FHIT: variants seen among roughly 807,000 people sequenced by gnomAD.
FHIT encodes the protein bis(5'-adenosyl)-triphosphatase.
A neutral mutation model predicts 17.9 loss-of-function variants in FHIT; 19 were observed. That is an observed-to-expected ratio of 1.06 (90% CI 0.74 to 1.56). The LOEUF (loss-of-function observed/expected upper bound fraction) is 1.56. Among genes scored for constraint, FHIT ranks in the 40% most tolerant of loss-of-function variants. FHIT has a pLI of 0.00. For missense variants in FHIT, 248 were observed against 189.2 expected, an observed-to-expected ratio of 1.31 and a Z score of -1.82; for synonymous variants, 81 against 69.7, an observed-to-expected ratio of 1.16 and a Z score of -0.81.
intron 3 of FHIT, among the ~76,000 whole-genome samples, chr3:60,853,379 C>T (rs1324722541): frequency 6.6e-6 from 1 of 152,080 alleles, no homozygotes; most frequent in Non-Finnish European, 1.5e-5. Context: ...TTTGGAACAA[C>T]ATCCAACAGT....
chr3:60,005,780 C>T (rs879469663), intron 7 of FHIT, among the ~76,000 whole-genome samples: 6 of 152,180 alleles, frequency 3.9e-5, no homozygotes, highest in Non-Finnish European at 7.4e-5. Flanking sequence ...TGGCAAATCA[C>T]ATCTCTCTTG....
intron 1 of FHIT, among the ~76,000 whole-genome samples, chr3:61,222,739 C>T (rs1214218332): frequency 6.6e-6 from 1 of 152,046 alleles, no homozygotes; most frequent in Non-Finnish European, 1.5e-5. Flanking sequence ...TACTTCAGTC[C>T]GGCAACTCTG....
chr3:59,818,951 CTG>C (rs1386244849), intron 8 of FHIT, among the ~76,000 whole-genome samples: 1 of 152,182 alleles, frequency 6.6e-6, no homozygotes, highest in African/African-American at 2.4e-5. Context: ...AATGACTACT[CTG>C]TGTCAGAGTC....
intron 5 of FHIT, among the ~76,000 whole-genome samples, chr3:60,391,445 G>A (rs2687177): frequency 0.93 from 140,882 of 152,196 alleles, 65,894 homozygotes; most frequent in East Asian, 1. Context: ...AGTCTACAGA[G>A]GCATACAGTA....
chr3:60,140,253 C>T (rs77077707), intron 5 of FHIT, among the ~76,000 whole-genome samples: 7,444 of 152,174 alleles, frequency 0.049, 264 homozygotes, highest in Non-Finnish European at 0.07. Context: ...CACCATTCTC[C>T]CATTCTGATG....
At chr3:60,965,982 T>A (rs1709719365) in intron 3 of FHIT, among the ~76,000 whole-genome samples, 1 of 152,180 alleles carries the variant, frequency 6.6e-6, no homozygotes, top group South Asian at 2.1e-4. Flanking sequence ...ATAGGGACGT[T>A]TAAGTCTGCA....
chr3:60,752,076 A>G lies in FHIT; in HGVS notation c.-18+69843T>C, dbSNP rs1246357060. ...TAAAATTTTGTGTTTTTCTACGTAC[A>G]CGCATAATGAGACATTTGTTGGGAA... On this transcript the variant is annotated intron_variant, in intron 4 of 9. Transcript: ENST00000492590. 3.9e-5 allele frequency among the ~76,000 whole-genome samples: 6 copies of G among 152,234 alleles called. No individual in the cohort carries two copies. In the East Asian group the frequency reaches 1.2e-3, roughly 29 times the overall value.
chr3:60,776,472 A>T (rs1250026119), intron 4 of FHIT, among the ~76,000 whole-genome samples: 1 of 152,222 alleles, frequency 6.6e-6, no homozygotes, highest in Non-Finnish European at 1.5e-5. Flanking sequence ...AAATGCAGGT[A>T]TTATCAAAAT....
At chr3:59,931,187 A>G (rs1705954003) in intron 7 of FHIT, among the ~76,000 whole-genome samples, 1 of 152,202 alleles carries the variant, frequency 6.6e-6, no homozygotes, top group East Asian at 1.9e-4. Flanking sequence ...TTTAAAAATA[A>G]TTTTGACAAC....
At chr3:59,803,301 A>C (rs942094906) in intron 8 of FHIT, among the ~76,000 whole-genome samples, 12 of 152,212 alleles carry the variant, frequency 7.9e-5, no homozygotes, top group African/African-American at 2.9e-4. Flanking sequence ...GGACAGAAAG[A>C]AGACTAAAGA....
intron 3 of FHIT, among the ~76,000 whole-genome samples, chr3:60,852,358 C>A (rs935724477): frequency 2.0e-5 from 3 of 152,084 alleles, no homozygotes; most frequent in African/African-American, 7.2e-5. Context: ...TCACAAGAGC[C>A]AACTTCTCAT....
chr3:61,121,215 C>A (rs1156949165), intron 2 of FHIT, among the ~76,000 whole-genome samples: 2 of 151,986 alleles, frequency 1.3e-5, no homozygotes, highest in Non-Finnish European at 2.9e-5. Context: ...CAAGGCAGGT[C>A]AACATTCAAA....
intron 5 of FHIT, among the ~76,000 whole-genome samples, chr3:60,397,078 A>G (rs1446405327): frequency 6.6e-6 from 1 of 152,210 alleles, no homozygotes; most frequent in East Asian, 1.9e-4. Context: ...GATGTAAACT[A>G]CATAGAAAAT....
At chr3:59,771,725 T>C (rs1254019449) in intron 8 of FHIT, among the ~76,000 whole-genome samples, 1 of 152,208 alleles carries the variant, frequency 6.6e-6, no homozygotes, top group Non-Finnish European at 1.5e-5. Flanking sequence ...GTGGGGAACG[T>C]GCACAAGCTC....
intron 4 of FHIT, among the ~76,000 whole-genome samples, chr3:60,760,928 A>T (rs1553719670): frequency 6.6e-6 from 1 of 152,178 alleles, no homozygotes. Context: ...ACATTCAAAT[A>T]TATGGAAATG....
At chr3:59,965,313 G>T (rs1707875682) in intron 7 of FHIT, among the ~76,000 whole-genome samples, 1 of 152,052 alleles carries the variant, frequency 6.6e-6, no homozygotes, top group Non-Finnish European at 1.5e-5. Flanking sequence ...AGATATATCT[G>T]ATTTAAACAC....
intron 9 of FHIT, chr3:59,750,468 C>T (rs1421774123): frequency 4.5e-6 from 1 of 223,756 alleles, no homozygotes; most frequent in Non-Finnish European, 8.9e-6. Flanking sequence ...GCCCATAGGC[C>T]TATGTTCTTA....
At chr3:60,806,865 C>T (rs908987220) in intron 4 of FHIT, among the ~76,000 whole-genome samples, 1 of 152,146 alleles carries the variant, frequency 6.6e-6, no homozygotes, top group Non-Finnish European at 1.5e-5. Flanking sequence ...AAAGGTATCT[C>T]GTACCATCAA....
chr3:61,153,142 C>CAAAAAAAAAA (rs372065718), intron 2 of FHIT, among the ~76,000 whole-genome samples: 1 of 78,382 alleles, frequency 1.3e-5, no homozygotes, highest in Non-Finnish European at 2.8e-5. Context: ...GACTCCATCT[C>CAAAAAAAAAA]AAAAAAAAAA....
Sources: allele counts gnomAD v4.1 joint callset (sites outside exome capture counted in the v4.1 genomes callset), GRCh38; gene constraint gnomAD v4.1.1; transcripts MANE v1.5; gene names NCBI Gene and HGNC (gene_info 2026-07-23, HGNC 2026-07-21).